The following ESR1 variants were observed in gnomAD, a reference collection of about 807,000 sequenced individuals.
The protein encoded by ESR1 is estrogen receptor 1.
Under a neutral mutation model 52.7 loss-of-function variants are expected in ESR1, and 12 were observed. That is an observed-to-expected ratio of 0.23 (90% CI 0.15 to 0.37). The LOEUF (loss-of-function observed/expected upper bound fraction) is 0.37. Among genes scored for constraint, ESR1 ranks in the 10% least tolerant of loss-of-function variants. The pLI, the probability that ESR1 is intolerant of heterozygous loss-of-function variation, is 1.00. For synonymous variants in ESR1, 305 were observed against 316.8 expected (o/e 0.96, Z 0.39); for missense variants, 584 against 779.7 (o/e 0.75, Z 2.99).
intron 1 of ESR1, among the ~76,000 whole-genome samples, chr6:151,680,599 C>T (rs1484843711): frequency 6.6e-6 from 1 of 152,148 alleles, no homozygotes; most frequent in East Asian, 1.9e-4. Context: ...AAGGCCCTGA[C>T]CTCACAACCT....
chr6:151,717,786 G>T (rs1487602612), intron 2 of ESR1, among the ~76,000 whole-genome samples: 4 of 152,052 alleles, frequency 2.6e-5, no homozygotes, highest in Non-Finnish European at 5.9e-5. Context: ...TTAGATAATT[G>T]ATTGAATTGG....
chr6:152,034,218 A>G (rs1423506676), intron 5 of ESR1, among the ~76,000 whole-genome samples: 1 of 152,122 alleles, frequency 6.6e-6, no homozygotes, highest in African/African-American at 2.4e-5. Context: ...CAGCACACCA[A>G]CATGGCACAT....
intron 5 of ESR1, among the ~76,000 whole-genome samples, chr6:152,049,698 A>G (rs1178773116): frequency 1.3e-5 from 2 of 152,092 alleles, no homozygotes; most frequent in African/African-American, 4.8e-5. Flanking sequence ...GCTGCAAAAA[A>G]GAGGGAGGAA....
intron 2 of ESR1, among the ~76,000 whole-genome samples, chr6:151,871,498 G>A (rs1259558477): frequency 6.6e-6 from 1 of 152,060 alleles, no homozygotes; most frequent in Non-Finnish European, 1.5e-5. Context: ...CTGCTTCCTG[G>A]GTTCAAGAGA....
chr6:151,663,703 A>G (rs1463090992), intron 1 of ESR1, among the ~76,000 whole-genome samples: 1 of 152,154 alleles, frequency 6.6e-6, no homozygotes, highest in African/African-American at 2.4e-5. Flanking sequence ...AGGAGATGAC[A>G]ATCTTGTTGG....
intron 4 of ESR1, among the ~76,000 whole-genome samples, chr6:151,953,621 T>C (rs1368567194): frequency 6.6e-6 from 1 of 151,840 alleles, no homozygotes; most frequent in African/African-American, 2.4e-5. Flanking sequence ...CTCGGGAGGC[T>C]GAGCGGGGAG....
rs912640670 is a variant in ESR1 at position 151,807,919 on chromosome 6, A to G, written c.7A>G (p.Met3Val). The G allele has an allele frequency of 3.7e-6, 6 of 1,613,632 alleles. No homozygotes were observed. The African/African-American group carries it at 8.0e-5, about 22-fold the overall frequency. MT[M>V]TLHTKASGMA... ...CTGCCCGCGGCCACGGACCATGACC[A>G]TGACCCTCCACACCAAAGCATCTGG... Residue 3 changes from methionine (M) to valine (V), a missense_variant, in exon 1 of 8, where the codon ATG becomes GTG. Transcript: ENST00000206249.
Position 151,982,488 on chromosome 6 carries a change from A to AT in ESR1, c.1097-29157dup, listed in dbSNP as rs912168497. On this transcript the variant is annotated intron_variant, in intron 4 of 7. Coordinates refer to ENST00000206249, the MANE Select transcript of ESR1 (RefSeq NM_000125.4). ...GTAAAAAGCAACAGGCAAAGTTAAT[A>AT]TTTTTTTTTTTCCTGAGATGGAGTC... 6.8e-4 allele frequency among the ~76,000 whole-genome samples: 100 copies of AT among 147,972 alleles called. 1 individual carries two copies. Among genetic ancestry groups the AT allele is most frequent in the Middle Eastern group, 3.5e-3 (1 of 286 alleles).
chr6:151,784,152 G>A (rs77346468), intron 2 of ESR1, among the ~76,000 whole-genome samples: 1,540 of 152,214 alleles, frequency 0.01, 22 homozygotes, highest in African/African-American at 0.035. Flanking sequence ...CTCTTTGAAG[G>A]AAGTCACTCT....
intron 3 of ESR1, among the ~76,000 whole-genome samples, chr6:151,937,816 A>G (rs1452489194): frequency 6.6e-6 from 1 of 152,210 alleles, no homozygotes; most frequent in South Asian, 2.1e-4. Context: ...GGAGGCAGAT[A>G]GACCTCGATT....
intron 6 of ESR1, among the ~76,000 whole-genome samples, chr6:152,078,691 A>G (rs1585139388): frequency 6.6e-6 from 1 of 152,184 alleles, no homozygotes; most frequent in Non-Finnish European, 1.5e-5. Flanking sequence ...ACAAAGTGCA[A>G]GGGGTCAAGG....
intron 4 of ESR1, among the ~76,000 whole-genome samples, chr6:151,994,357 G>A (rs527877900): frequency 6.6e-6 from 1 of 152,216 alleles, no homozygotes; most frequent in East Asian, 1.9e-4. Flanking sequence ...CTTTAAGACT[G>A]GAACCTTGTC....
intron 5 of ESR1, among the ~76,000 whole-genome samples, chr6:152,015,196 G>A (rs975514168): frequency 3.9e-5 from 6 of 152,142 alleles, no homozygotes; most frequent in African/African-American, 1.4e-4. Flanking sequence ...ACACCTGGTG[G>A]CTGAATTCTG....
chr6:151,742,238 C>A (rs539323563), intron 2 of ESR1, among the ~76,000 whole-genome samples: 1 of 152,060 alleles, frequency 6.6e-6, no homozygotes, highest in East Asian at 1.9e-4. Flanking sequence ...GATATCTTTA[C>A]GAGGTGGTGA....
chr6:151,901,701 C>T (rs752130341), intron 3 of ESR1, among the ~76,000 whole-genome samples: 11 of 152,248 alleles, frequency 7.2e-5, no homozygotes, highest in Non-Finnish European at 1.5e-4. Context: ...TGATCTGGAG[C>T]TGCAGATTCC....
At chr6:152,089,135 C>G (rs1004325643) in intron 6 of ESR1, among the ~76,000 whole-genome samples, 9 of 152,146 alleles carry the variant, frequency 5.9e-5, no homozygotes, top group African/African-American at 2.2e-4. Context: ...ATGTAAGAGG[C>G]TATCAGGAAA....
At chr6:151,832,679 A>C (rs1407997255) in intron 1 of ESR1, among the ~76,000 whole-genome samples, 1 of 152,168 alleles carries the variant, frequency 6.6e-6, no homozygotes, top group African/African-American at 2.4e-5. Context: ...CTATTGATTA[A>C]TTTATTCGGT....
intron 2 of ESR1, among the ~76,000 whole-genome samples, chr6:151,786,535 C>T (rs1259333180): frequency 2.0e-5 from 3 of 152,132 alleles, no homozygotes; most frequent in Non-Finnish European, 4.4e-5. Flanking sequence ...TAAATGTCAA[C>T]AACAAACAAA....
intron 5 of ESR1, among the ~76,000 whole-genome samples, chr6:152,037,390 A>T (rs552184186): frequency 6.6e-5 from 10 of 152,192 alleles, no homozygotes; most frequent in African/African-American, 9.6e-5. Flanking sequence ...GCAAGTACAA[A>T]TGCCTGCAAA....
Sources: gnomAD v4.1 joint callset for allele counts (sites outside exome capture counted in the v4.1 genomes callset) on GRCh38, gnomAD v4.1.1 for gene constraint, MANE v1.5 for transcripts, NCBI Gene and HGNC (gene_info 2026-07-23, HGNC 2026-07-21) for gene names.